The following BANP variants were observed in gnomAD, a reference collection of about 807,000 sequenced individuals.
BANP encodes the protein protein BANP.
Under a neutral mutation model 68.1 loss-of-function variants are expected in BANP, and 11 were observed. The observed-to-expected ratio is 0.16, with a 90% confidence interval of 0.10 to 0.27. The LOEUF (loss-of-function observed/expected upper bound fraction) is 0.27, where lower values mean the gene tolerates loss of function less well. Among genes scored for constraint, BANP ranks in the 10% least tolerant of loss-of-function variants. The probability of loss-of-function intolerance (pLI) is 1.00; values close to 1 mark genes in which losing one functional copy is unlikely to be tolerated. For missense variants in BANP, 504 were observed against 722.7 expected (o/e 0.70, Z 3.47); for synonymous variants, 329 against 303.2 (o/e 1.09, Z -0.88).
At chr16:88,069,682 G>A (rs1471141441) in intron 12 of BANP, among the ~76,000 whole-genome samples, 1 of 152,154 alleles carries the variant, frequency 6.6e-6, no homozygotes, top group East Asian at 1.9e-4. Context: ...TGCACCCCAG[G>A]GCCAGCAGCC....
chr16:88,069,295 C>T (rs1251065200), intron 12 of BANP, among the ~76,000 whole-genome samples: 1 of 152,208 alleles, frequency 6.6e-6, no homozygotes, highest in Non-Finnish European at 1.5e-5. Context: ...AGCTCATTGA[C>T]CTGCCTTTTT....
At chr16:88,016,641 G>C (rs891749125) in intron 6 of BANP, among the ~76,000 whole-genome samples, 21 of 152,256 alleles carry the variant, frequency 1.4e-4, no homozygotes, top group African/African-American at 4.3e-4. Flanking sequence ...GGAAGCTGGA[G>C]TCTCGAAGCT....
rs536366129 is a variant in BANP, at chr16:88,062,863, T to C, written c.1312-2404T>C. Among the ~76,000 whole-genome samples the C allele has an allele frequency of 1.6e-4, 24 of 152,306 alleles. No homozygotes were observed. In the South Asian group the frequency reaches 3.7e-3, roughly 24 times the overall value. The stretch of plus-strand genomic sequence containing the variant: ...GGCCTGCATCAGACTTGGGGTTCTT[T>C]TCATCACAGGGCTCCATCCTACCGG... On this transcript the variant is annotated intron_variant, in intron 11 of 13. Coordinates refer to ENST00000682872, the MANE Select transcript of BANP (RefSeq NM_001386991.1).
Position 88,008,564 on chromosome 16 carries a change from G to A in BANP, c.655+2299G>A, listed in dbSNP as rs1163409785. 4.6e-5 allele frequency among the ~76,000 whole-genome samples: 7 copies of A among 152,216 alleles called. No individual in the cohort carries two copies. In the East Asian group the frequency reaches 9.6e-4, roughly 21 times the overall value. ...ACTTGGTAATTCTGGGGAGTCCAGG[G>A]TCATAAAAACAAAAAAATCTAAATG... On this transcript the variant is annotated intron_variant, in intron 6 of 13. Coordinates refer to ENST00000682872, the MANE Select transcript of BANP (RefSeq NM_001386991.1).
chr16:88,026,618 A>G (rs2077044430), intron 7 of BANP, among the ~76,000 whole-genome samples: 1 of 152,136 alleles, frequency 6.6e-6, no homozygotes, highest in South Asian at 2.1e-4. Flanking sequence ...AGGGGAACAG[A>G]GTAACAATAC....
intron 4 of BANP, among the ~76,000 whole-genome samples, chr16:87,984,861 G>A (rs959368811): frequency 6.6e-6 from 1 of 152,222 alleles, no homozygotes. Context: ...GGTGTCGCTA[G>A]CCTTCCCCAC....
At chr16:88,023,072 A>T (rs984805984) in intron 7 of BANP, among the ~76,000 whole-genome samples, 2 of 152,130 alleles carry the variant, frequency 1.3e-5, no homozygotes, top group Non-Finnish European at 2.9e-5. Flanking sequence ...AGGCTGCCCT[A>T]TATGTGTCCT....
chr16:88,035,579 C>A (rs1303563494), intron 10 of BANP, among the ~76,000 whole-genome samples, 185 bp downstream of exon 10: 2 of 152,212 alleles, frequency 1.3e-5, no homozygotes, highest in African/African-American at 4.8e-5. Context: ...CTCTCTGCCT[C>A]CCCCTCCTGT....
chr16:87,951,479 C>T lies in BANP; in HGVS notation c.-105C>T, dbSNP rs1252954005. The T allele has an allele frequency of 1.3e-5, 2 of 152,348 alleles. No individual in the cohort carries two copies. The highest frequency in any genetic ancestry group is 2.9e-5 in the Non-Finnish European group (2 of 67,900). 9.4% of individuals were successfully genotyped at this position (152,348 alleles called of 1,614,324 possible). A position where few individuals can be genotyped will look rare whatever the true frequency, so the allele number is the denominator to read the frequency against. Reference sequence around the variant, plus strand: ...GAGGACGGACGCCATTATCGCATCTCCCCGACAAACACCACGAGAATTCCG... The same window carrying T: ...GAGGACGGACGCCATTATCGCATCTTCCCGACAAACACCACGAGAATTCCG... On this transcript the variant is annotated 5_prime_UTR_variant, in exon 1 of 14. Transcript: ENST00000682872.
intron 2 of BANP, among the ~76,000 whole-genome samples, chr16:87,976,474 G>A (rs377633319): frequency 1.0e-5 from 1 of 95,972 alleles, no homozygotes; most frequent in Non-Finnish European, 2.0e-5. Context: ...GTTTTAAAAA[G>A]TTTTTTTTTT....
intron 1 of BANP, among the ~76,000 whole-genome samples, chr16:87,954,362 T>A (rs2057616685): frequency 6.6e-6 from 1 of 152,268 alleles, no homozygotes; most frequent in South Asian, 2.1e-4. Flanking sequence ...TCCTTTGTTC[T>A]GATTTCTTGT....
intron 7 of BANP, among the ~76,000 whole-genome samples, chr16:88,022,674 G>C (rs948024881): frequency 6.6e-6 from 1 of 152,190 alleles, no homozygotes; most frequent in Admixed American, 6.5e-5. Context: ...TTGTGTTCTC[G>C]TGCAGGTTTG....
At chr16:88,047,816 T>C (rs529294929) in intron 11 of BANP, among the ~76,000 whole-genome samples, 4 of 152,396 alleles carry the variant, frequency 2.6e-5, no homozygotes, top group African/African-American at 9.6e-5. Flanking sequence ...ATGTTTGGTG[T>C]ACTTGGCAGT....
In BANP at chr16:88,021,236, G is replaced by A. The variant is rs1415138660; in HGVS notation, c.895+2569G>A. Among the ~76,000 whole-genome samples, 4 of 152,182 alleles carry A rather than the reference G, an allele frequency of 2.6e-5. No homozygotes were observed. The East Asian group carries it at 7.7e-4, about 29-fold the overall frequency. On this transcript the variant is annotated intron_variant, in intron 7 of 13. Transcript: ENST00000682872. Reference sequence around the variant, plus strand: ...GAACCTCATGGCTTGGGGCCCACTGGCCCGGCCTCCCCAGGCTCTGAGCTG... The same window carrying A: ...GAACCTCATGGCTTGGGGCCCACTGACCCGGCCTCCCCAGGCTCTGAGCTG...
At chr16:88,063,132 C>T (rs1278050618) in intron 11 of BANP, among the ~76,000 whole-genome samples, 26 of 152,224 alleles carry the variant, frequency 1.7e-4, no homozygotes, top group Admixed American at 1.6e-3. Context: ...AAGCGGAGGG[C>T]GCACCGCGGC....
intron 7 of BANP, among the ~76,000 whole-genome samples, chr16:88,025,928 G>C (rs1161963823): frequency 2.6e-5 from 4 of 152,168 alleles, no homozygotes. Context: ...AGCTAGAGAG[G>C]CCACTGCATT....
At position 88,036,052 on chromosome 16, in the gene BANP, C is replaced by T. The variant is rs562541491; in HGVS notation, c.1272+658C>T. On this transcript the variant is annotated intron_variant, in intron 10 of 13. Coordinates refer to ENST00000682872, the MANE Select transcript of BANP (RefSeq NM_001386991.1). This position sits in a 1 kb window ranked among gnomAD's most constrained non-coding sequence, Gnocchi z 4.2. ...CCGAGGCCAGCCTGTTGCGATGCTCCATGTTTGCATGCCAGAGCAGGACTG... is the reference window on the plus strand; with the variant it reads ...CCGAGGCCAGCCTGTTGCGATGCTCTATGTTTGCATGCCAGAGCAGGACTG... 6.6e-6 allele frequency among the ~76,000 whole-genome samples: 1 copy of T among 152,342 alleles called. No individual in the cohort carries two copies. Among genetic ancestry groups the T allele is most frequent in the East Asian group, 1.9e-4 (1 of 5,176 alleles).
chr16:88,056,808 T>C (rs1347452514), intron 11 of BANP, among the ~76,000 whole-genome samples: 2 of 152,256 alleles, frequency 1.3e-5, no homozygotes, highest in East Asian at 3.8e-4. Flanking sequence ...TGTAGTATAC[T>C]TAGCAACACT....
chr16:88,063,688 G>A (rs2087586855), intron 11 of BANP, among the ~76,000 whole-genome samples: 2 of 152,206 alleles, frequency 1.3e-5, no homozygotes, highest in Non-Finnish European at 2.9e-5. Flanking sequence ...AGAGGGTTCT[G>A]CCCTCCTCTG....
Sources: gnomAD v4.1 joint callset for allele counts (sites outside exome capture counted in the v4.1 genomes callset) on GRCh38, gnomAD v4.1.1 for gene constraint, Gnocchi (gnomAD v3.1) non-coding constraint, MANE v1.5 for transcripts, NCBI Gene and HGNC (gene_info 2026-07-23, HGNC 2026-07-21) for gene names.